MTFMT: variants seen among roughly 807,000 people sequenced by gnomAD.
The protein encoded by MTFMT is mitochondrial methionyl-tRNA formyltransferase.
In MTFMT, 47 loss-of-function variants were observed where a neutral mutation model predicts 51.8. The ratio of observed to expected loss-of-function variants is 0.91; its 90% confidence interval spans 0.72 to 1.16. The LOEUF is 1.16. Ranked by LOEUF, MTFMT falls within the 50% of genes most tolerant of loss-of-function variation. The pLI is 0.00. For synonymous variants in MTFMT, 196 were observed against 176.7 expected (o/e 1.11, Z -0.87); for missense variants, 512 against 482.3 (o/e 1.06, Z -0.58).
chr15:65,023,922 T>A, intron 2 of MTFMT, 128 bp from the exon 3 acceptor site: 3 of 758,226 alleles, frequency 4.0e-6, no homozygotes, highest in Non-Finnish European at 6.0e-6. Flanking sequence ...CAGTTAAATC[T>A]AAGTCTCGTA....
rs4586374 is a variant in MTFMT at position 65,003,140 on chromosome 15, T to C, written c.1092A>G (p.Gln364=). 2.0e-4 allele frequency: 327 copies of C among 1,613,638 alleles called. No homozygotes were observed. The East Asian group carries it at 3.2e-3, about 16-fold the overall frequency. ...GAAGTCTGAGAGTCTGAAATCTGCA[T>C]TGGCTTGGTTGAGCTTGGGAATTTT... is the stretch of plus-strand genomic sequence containing the variant. The part of the protein sequence containing the change: ...YQKNSQAQPS[Q]CRFQTLRLPT... The change falls in exon 9 of 9, where the codon CAA becomes CAG. Residue 364 remains glutamine, a synonymous_variant. Coordinates refer to ENST00000220058, the MANE Select transcript of MTFMT (RefSeq NM_139242.4).
At chr15:65,024,765 T>A (rs1013035266) in intron 2 of MTFMT, among the ~76,000 whole-genome samples, 9 of 152,096 alleles carry the variant, frequency 5.9e-5, no homozygotes, top group Non-Finnish European at 7.4e-5. Context: ...ACAAAATATG[T>A]ACAAGGTTTG....
At chr15:65,029,140 C>T in intron 1 of MTFMT, 1 of 421,026 alleles carries the variant, frequency 2.4e-6, no homozygotes, top group Non-Finnish European at 3.2e-6. Context: ...AGCCCCAGCT[C>T]GGCACAGCGT....
intron 8 of MTFMT, 84 bp downstream of exon 8, chr15:65,004,770 G>A: frequency 1.2e-6 from 1 of 827,080 alleles, no homozygotes; most frequent in Non-Finnish European, 1.8e-6. Flanking sequence ...GCAGTTAAGT[G>A]AAGTTCCAAC....
chr15:65,004,244 C>T (rs1333040903), intron 8 of MTFMT, among the ~76,000 whole-genome samples: 2 of 151,884 alleles, frequency 1.3e-5, no homozygotes, highest in South Asian at 2.1e-4. Flanking sequence ...CTCGAATTCC[C>T]GACCTCAGGT....
At chr15:65,008,254 CCCA>C (rs1360924834) in intron 6 of MTFMT, among the ~76,000 whole-genome samples, 1 of 152,078 alleles carries the variant, frequency 6.6e-6, no homozygotes, top group Non-Finnish European at 1.5e-5. Flanking sequence ...GAGGGCTTCC[CCCA>C]CCAATGGTTG....
At position 65,029,597 on chromosome 15, in the gene MTFMT, C is replaced by T. The variant is rs771777757; in HGVS notation, c.17G>A (p.Arg6Gln). ...AGCCAGCGGAGGACCCCAACAGCGCCGCACCAACACCCTCATCGCCTCGGC... is the reference window on the plus strand; with the variant it reads ...AGCCAGCGGAGGACCCCAACAGCGCTGCACCAACACCCTCATCGCCTCGGC... MRVLVRRCWGPPLAHG... is the reference protein window; with the variant it reads MRVLVQRCWGPPLAHG... The change falls in exon 1 of 9, where the codon CGG becomes CAG. Residue 6 changes from arginine (R) to glutamine (Q), a missense_variant. Arg to Gln is a conservative substitution (Grantham distance 43). Transcript: ENST00000220058. 1 of 1,451,892 alleles carries T rather than the reference C, an allele frequency of 6.9e-7. No homozygotes were observed. Among genetic ancestry groups the T allele is most frequent in the East Asian group, 3.0e-5 (1 of 33,560 alleles). 89.9% of individuals were successfully genotyped at this position (1,451,892 alleles called of 1,614,324 possible). A position where few individuals can be genotyped will look rare whatever the true frequency, so the allele number is the denominator to read the frequency against.
At chr15:65,014,413 T>C (rs926637716) in intron 6 of MTFMT, among the ~76,000 whole-genome samples, 12 of 143,524 alleles carry the variant, frequency 8.4e-5, no homozygotes, top group African/African-American at 3.1e-4. Flanking sequence ...AACCTCCACC[T>C]CCTGGGTTCA....
At chr15:65,004,053 A>ATT (rs1334482135) in intron 8 of MTFMT, among the ~76,000 whole-genome samples, 1 of 150,776 alleles carries the variant, frequency 6.6e-6, no homozygotes, top group Non-Finnish European at 1.5e-5. Flanking sequence ...TTTCGCTCTT[A>ATT]TTGCCCAGGC....
chr15:65,009,606 G>A (rs1008775071), intron 6 of MTFMT, among the ~76,000 whole-genome samples: 1 of 151,914 alleles, frequency 6.6e-6, no homozygotes, highest in Non-Finnish European at 1.5e-5. Flanking sequence ...GTTCCAAACT[G>A]CCATCATCTG....
At position 65,006,121 on chromosome 15, in the gene MTFMT, A is replaced by G; in HGVS notation, c.884T>C (p.Val295Ala). The G allele has an allele frequency of 6.2e-7, 1 of 1,612,346 alleles. No homozygotes were observed. The highest frequency in any genetic ancestry group is 1.1e-5 in the South Asian group (1 of 91,042). ...TATTCAAAAGTTAGTACCAGCAAGG[A>G]CTGAACTGTTAACTTCTACCAAATC... ...LLDLVEVNSS[V>A]LADPKLTGQA... The change falls in exon 7 of 9, where the codon GTC becomes GCC. Residue 295 changes from valine to alanine, a missense_variant. Val to Ala is a moderately conservative substitution (Grantham distance 64). Transcript: ENST00000220058.
chr15:65,024,715 G>A (rs550369910), intron 2 of MTFMT, among the ~76,000 whole-genome samples: 4 of 152,094 alleles, frequency 2.6e-5, no homozygotes, highest in Admixed American at 6.6e-5. Flanking sequence ...CCTGCCCTCA[G>A]AGAGTTTATG....
chr15:65,010,817 G>A (rs2086258059), intron 6 of MTFMT, among the ~76,000 whole-genome samples: 2 of 152,154 alleles, frequency 1.3e-5, no homozygotes, highest in Non-Finnish European at 2.9e-5. Flanking sequence ...TTTTTAAGAG[G>A]TAAACATGGT....
rs2086178504 is a variant in MTFMT at position 65,001,789 on chromosome 15, G to A, written c.*1273C>T. On this transcript the variant is annotated 3_prime_UTR_variant, in exon 9 of 9. Coordinates refer to ENST00000220058, the MANE Select transcript of MTFMT (RefSeq NM_139242.4). ...GAGGCTGGAGGATCACTTAAGCCCAGGAGGTTGAAGATGCAGTAAGCAGTG... is the reference window on the plus strand; with the variant it reads ...GAGGCTGGAGGATCACTTAAGCCCAAGAGGTTGAAGATGCAGTAAGCAGTG... 1 of 152,036 alleles carries A rather than the reference G, an allele frequency of 6.6e-6. No individual in the cohort carries two copies. Among genetic ancestry groups the A allele is most frequent in the Non-Finnish European group, 1.5e-5 (1 of 68,024 alleles). 9.4% of individuals were successfully genotyped at this position (152,036 alleles called of 1,614,324 possible). A position where few individuals can be genotyped will look rare whatever the true frequency, so the allele number is the denominator to read the frequency against.
intron 5 of MTFMT, 65 bp from the exon 6 acceptor site, chr15:65,016,592 GA>G: frequency 1.9e-6 from 2 of 1,062,242 alleles, no homozygotes; most frequent in Non-Finnish European, 2.9e-6. Context: ...GACAGCTATT[GA>G]TACTGAATAA....
rs762376847 is a variant in MTFMT at position 65,021,585 on chromosome 15, T to C, written c.574A>G (p.Thr192Ala). The change falls in exon 4 of 9, where the codon ACT becomes GCT. Residue 192 changes from threonine (T) to alanine (A), a missense_variant. By Grantham distance (58) the Thr-to-Ala change is moderately conservative. Coordinates refer to ENST00000220058, the MANE Select transcript of MTFMT (RefSeq NM_139242.4). Reference sequence around the variant, plus strand: ...GTGCTCTTGGGTGGCACAGGAACAGTTTCTTGTTTGAGAATTGGGCCTACA... The same window carrying C: ...GTGCTCTTGGGTGGCACAGGAACAGCTTCTTGTTTGAGAATTGGGCCTACA... Reference protein sequence around the residue: ...FDVGPILKQETVPVPPKSTAK... With the variant: ...FDVGPILKQEAVPVPPKSTAK... The C allele has an allele frequency of 5.0e-6, 8 of 1,592,452 alleles. No individual in the cohort carries two copies. Among genetic ancestry groups the C allele is most frequent in the Non-Finnish European group, 6.9e-6 (8 of 1,163,600 alleles).
chr15:65,002,906 T>C lies in MTFMT; in HGVS notation c.*156A>G, dbSNP rs1377898684. 2.4e-6 allele frequency: 1 copy of C among 425,382 alleles called. No homozygotes were observed. The highest frequency in any genetic ancestry group is 3.9e-6 in the Non-Finnish European group (1 of 257,656). 26.4% of individuals were successfully genotyped at this position (425,382 alleles called of 1,614,324 possible). A position where few individuals can be genotyped will look rare whatever the true frequency, so the allele number is the denominator to read the frequency against. ...TGAACCTGGGAGGCGGAGGTTGCAG[T>C]GAGCTGAGATAGTGCCACTGGATTC... On this transcript the variant is annotated 3_prime_UTR_variant, in exon 9 of 9. Coordinates refer to ENST00000220058, the MANE Select transcript of MTFMT (RefSeq NM_139242.4).
chr15:65,008,531 T>C (rs1259797612), intron 6 of MTFMT, among the ~76,000 whole-genome samples: 1 of 152,224 alleles, frequency 6.6e-6, no homozygotes, highest in Non-Finnish European at 1.5e-5. Flanking sequence ...TTTCCCAAGG[T>C]TGGACCCAGC....
chr15:65,021,619 A>G lies in MTFMT; in HGVS notation c.543-3T>C. On this transcript the variant is annotated splice_polypyrimidine_tract_variant and splice_region_variant and intron_variant, in intron 3 of 8. Transcript: ENST00000220058. The stretch of plus-strand genomic sequence containing the variant: ...TGAGAATTGGGCCTACATCAAACCT[A>G]GCAAAAAATCAAAAGCAAATAATGA... The G allele has an allele frequency of 1.3e-6, 2 of 1,561,494 alleles. No homozygotes were observed. Among genetic ancestry groups the G allele is most frequent in the Non-Finnish European group, 1.7e-6 (2 of 1,145,244 alleles).
Sources: gnomAD v4.1 joint callset for allele counts (sites outside exome capture counted in the v4.1 genomes callset) on GRCh38, gnomAD v4.1.1 for gene constraint, MANE v1.5 for transcripts, NCBI Gene and HGNC (gene_info 2026-07-23, HGNC 2026-07-21) for gene names.